C5: variants seen among roughly 807,000 people sequenced by gnomAD.
C5 encodes the protein C3 and PZP-like alpha-2-macroglobulin domain-containing protein 4.
In C5, 140 loss-of-function variants were observed where a neutral mutation model predicts 218.8. That is an observed-to-expected ratio of 0.64 (90% CI 0.56 to 0.74). The LOEUF (loss-of-function observed/expected upper bound fraction) is 0.74. C5 is among the 30% of genes least tolerant of loss of function. C5 has a pLI of 0.00. For missense variants in C5, 1,700 were observed against 1,969.6 expected, an observed-to-expected ratio of 0.86 and a Z score of 2.59; for synonymous variants, 614 against 682.3, an observed-to-expected ratio of 0.90 and a Z score of 1.56.
Position 121,017,488 on chromosome 9 carries a change from A to G in C5, c.1740T>C (p.Asp580=), listed in dbSNP as rs1247215614. ...QLQVHLSPDA[D]AYSPGQTVSL... is the part of the protein sequence containing the mutation. ...ACACAGTTTGGCCTGGAGAATATGCATCTGCATCAGGAGACAGATGAACCT... is the reference window on the plus strand; with the variant it reads ...ACACAGTTTGGCCTGGAGAATATGCGTCTGCATCAGGAGACAGATGAACCT... The change falls in exon 14 of 41, where the codon GAT becomes GAC. Residue 580 remains aspartate, a synonymous_variant. Transcript: ENST00000223642. The G allele has an allele frequency of 1.2e-6, 2 of 1,613,954 alleles. No individual in the cohort carries two copies. Among genetic ancestry groups the G allele is most frequent in the South Asian group, 2.2e-5 (2 of 91,086 alleles).
upstream of C5, among the ~76,000 whole-genome samples, chr9:121,053,204 C>A (rs561483176): frequency 6.6e-6 from 1 of 152,312 alleles, no homozygotes; most frequent in East Asian, 1.9e-4. Flanking sequence ...GGGAATCATA[C>A]AAGTTTTGTT....
intron 20 of C5, among the ~76,000 whole-genome samples, chr9:121,000,211 C>T (rs1390778247): frequency 6.6e-6 from 1 of 152,142 alleles, no homozygotes; most frequent in East Asian, 1.9e-4. Context: ...GTAAAAGATT[C>T]AATATGGCAA....
the C5 span, among the ~76,000 whole-genome samples, chr9:121,060,053 G>A: frequency 6.6e-6 from 1 of 152,152 alleles, no homozygotes; most frequent in East Asian, 1.9e-4. Context: ...CATAGCAATA[G>A]TAATTTTACA....
chr9:121,053,456 C>A (rs59504421), upstream of C5, among the ~76,000 whole-genome samples: 18,233 of 151,988 alleles, frequency 0.12, 1,573 homozygotes, highest in African/African-American at 0.24. Flanking sequence ...GGAGAGAGGG[C>A]GGAGGTGGAG....
chr9:121,046,072 A>G, intron 2 of C5, 119 bp downstream of exon 2: 1 of 488,064 alleles, frequency 2.0e-6, no homozygotes, highest in Non-Finnish European at 3.6e-6. Flanking sequence ...ATCATCTAAT[A>G]ATCCCACAGT....
rs1564131964 is a variant in C5 at position 120,962,780 on chromosome 9, T to C, written c.4399-4A>G. 1 of 1,612,544 alleles carries C rather than the reference T, an allele frequency of 6.2e-7. No individual in the cohort carries two copies. On this transcript the variant is annotated splice_polypyrimidine_tract_variant and splice_region_variant and intron_variant, in intron 35 of 40. Transcript: ENST00000223642. ...AAAGGAAATCACTGGAGGGAATCTG[T>C]TTAACAAATTCAAGGATTTAAGGAA...
chr9:121,036,308 T>C (rs756498368), intron 4 of C5, among the ~76,000 whole-genome samples: 12 of 152,210 alleles, frequency 7.9e-5, no homozygotes, highest in African/African-American at 9.6e-5. Flanking sequence ...ATACTTCCTC[T>C]ATATTAACTC....
chr9:121,070,392 T>TAG, the C5 span, among the ~76,000 whole-genome samples: 5 of 44,396 alleles, frequency 1.1e-4, no homozygotes, highest in African/African-American at 2.6e-4. Context: ...GTGATATATA[T>TAG]ATATATATAT....
intron 12 of C5, 120 bp from the exon 13 acceptor site, chr9:121,017,972 G>C: frequency 1.4e-6 from 1 of 710,286 alleles, no homozygotes. Context: ...ATAAAGTTAG[G>C]CTGGGCACAG....
At chr9:120,969,309 G>GTCTT (rs1403891764) in intron 32 of C5, among the ~76,000 whole-genome samples, 191 bp from the exon 33 acceptor site, 5 of 152,234 alleles carry the variant, frequency 3.3e-5, no homozygotes, top group Non-Finnish European at 7.3e-5. Flanking sequence ...ATACCAGGAA[G>GTCTT]TCTTTAAATA....
In C5 at chr9:120,980,232, TTAA is replaced by T; in HGVS notation, c.3506_3508del (p.Ile1169del). Reference sequence around the variant, plus strand: ...ATTTTCAAGCAGAAAGTTGTCAGCTTTAATTAGAGCTGTGTCGATTTTCTGGAA... The same window carrying T: ...ATTTTCAAGCAGAAAGTTGTCAGCTTTTAGAGCTGTGTCGATTTTCTGGAA... On this transcript the variant is annotated inframe_deletion, in exon 28 of 41. Transcript: ENST00000223642. 6.2e-7 allele frequency: 1 copy of T among 1,614,134 alleles called. No individual in the cohort carries two copies. Among genetic ancestry groups the T allele is most frequent in the Non-Finnish European group, 8.5e-7 (1 of 1,179,978 alleles).
chr9:120,956,626 C>T (rs1329654933), intron 39 of C5, among the ~76,000 whole-genome samples: 1 of 152,060 alleles, frequency 6.6e-6, no homozygotes, highest in Non-Finnish European at 1.5e-5. Flanking sequence ...AAGAACAAAG[C>T]TAGATGCCTC....
intron 20 of C5, among the ~76,000 whole-genome samples, chr9:121,003,372 G>A (rs2047188169): frequency 1.3e-5 from 2 of 151,918 alleles, no homozygotes; most frequent in Admixed American, 1.3e-4. Flanking sequence ...TACATCCTGT[G>A]GCCAAGTAAA....
chr9:120,996,075 T>C (rs935810770), intron 22 of C5, among the ~76,000 whole-genome samples, 165 bp downstream of exon 22: 4 of 152,124 alleles, frequency 2.6e-5, no homozygotes, highest in Non-Finnish European at 4.4e-5. Context: ...CACCTCGGCC[T>C]CCCAAAGTGC....
rs890464944 is a variant in C5, at chr9:120,997,431, G to A, written c.2790+116C>T. ...AAAAATCTGGAATAACCTCCATCCA[G>A]TTTCCTTAATGCTTAATGTTTCGTT... On this transcript the variant is annotated intron_variant, in intron 21 of 40. Transcript: ENST00000223642. 11 of 818,680 alleles carry A rather than the reference G, an allele frequency of 1.3e-5. No homozygotes were observed. In the African/African-American group the frequency reaches 1.9e-4, roughly 14 times the overall value. 50.7% of individuals were successfully genotyped at this position (818,680 alleles called of 1,614,324 possible). A position where few individuals can be genotyped will look rare whatever the true frequency, so the allele number is the denominator to read the frequency against.
chr9:121,028,926 T>C (rs2047449676), intron 7 of C5, among the ~76,000 whole-genome samples: 1 of 152,144 alleles, frequency 6.6e-6, no homozygotes, highest in African/African-American at 2.4e-5. Flanking sequence ...ATGAAAAAAA[T>C]TGATCTTGGG....
At chr9:121,014,139 T>C (rs974168832) in intron 16 of C5, 69 bp from the exon 17 acceptor site, 2 of 1,364,394 alleles carry the variant, frequency 1.5e-6, no homozygotes, top group South Asian at 1.2e-5. Flanking sequence ...AGAAGGAATC[T>C]CAAGGGATAC....
chr9:121,023,917 G>T (rs933803534), intron 9 of C5, among the ~76,000 whole-genome samples: 2 of 151,742 alleles, frequency 1.3e-5, no homozygotes, highest in Non-Finnish European at 2.9e-5. Flanking sequence ...GGAGGTGGGG[G>T]ATGGGGGTTG....
intron 28 of C5, among the ~76,000 whole-genome samples, chr9:120,977,787 G>T (rs1025603207): frequency 6.6e-6 from 1 of 152,176 alleles, no homozygotes; most frequent in Non-Finnish European, 1.5e-5. Flanking sequence ...AGAGTCGAAA[G>T]TGCAATAAAC....
Sources: gnomAD v4.1 joint callset for allele counts (sites outside exome capture counted in the v4.1 genomes callset) on GRCh38, gnomAD v4.1.1 for gene constraint, MANE v1.5 for transcripts, NCBI Gene and HGNC (gene_info 2026-07-23, HGNC 2026-07-21) for gene names.